Variants in TASP1 observed in about 807,000 individuals in gnomAD.
The protein encoded by TASP1 is threonine aspartase 1.
Under a neutral mutation model 56.6 loss-of-function variants are expected in TASP1, and 16 were observed. The observed-to-expected ratio is 0.28, with a 90% CI of 0.19 to 0.43. TASP1 has a LOEUF of 0.43. Ranked by LOEUF, TASP1 falls within the 20% of genes least tolerant of loss-of-function variation. The probability of loss-of-function intolerance (pLI) is 1.00; values close to 1 mark genes in which losing one functional copy is unlikely to be tolerated. For synonymous variants in TASP1, 179 were observed against 184.2 expected (o/e 0.97, Z 0.23); for missense variants, 393 against 511.6 (o/e 0.77, Z 2.24).
intron 13 of TASP1, among the ~76,000 whole-genome samples, chr20:13,410,398 A>G (rs1297548375): frequency 6.6e-6 from 1 of 152,140 alleles, no homozygotes; most frequent in Non-Finnish European, 1.5e-5. Flanking sequence ...TTTTTGAGAA[A>G]TCTCCATATT....
chr20:13,117,610 C>T, the TASP1 span: 3 of 1,613,060 alleles, frequency 1.9e-6, no homozygotes, highest in Non-Finnish European at 2.5e-6. Flanking sequence ...GCCGTGGGCC[C>T]AACCGGCCGG....
At chr20:13,130,434 C>T in the TASP1 span, among the ~76,000 whole-genome samples, 1 of 152,218 alleles carries the variant, frequency 6.6e-6, no homozygotes, top group Non-Finnish European at 1.5e-5. Flanking sequence ...AGATCTGTTC[C>T]TTGATGAATG....
chr20:13,630,100 A>T lies in TASP1; in HGVS notation c.-22T>A. 7 of 1,608,588 alleles carry T rather than the reference A, an allele frequency of 4.4e-6. No homozygotes were observed. The highest frequency in any genetic ancestry group is 1.1e-5 in the South Asian group (1 of 89,564). The stretch of plus-strand genomic sequence containing the variant: ...TCATTCTCCAAGATTACCATCTTCT[A>T]CTGAGAAAGGGGCATACTTCCATCC... On this transcript the variant is annotated 5_prime_UTR_variant, in exon 2 of 14. The change abolishes the stop of an existing upstream ORF in the 5' untranslated region. Transcript: ENST00000337743.
At chr20:13,403,291 A>G (rs761884073) in intron 13 of TASP1, among the ~76,000 whole-genome samples, 1 of 152,210 alleles carries the variant, frequency 6.6e-6, no homozygotes, top group South Asian at 2.1e-4. Flanking sequence ...TTTCCACCAA[A>G]GGAGCACGGT....
chr20:13,233,054 G>C, the TASP1 span, among the ~76,000 whole-genome samples: 1 of 151,420 alleles, frequency 6.6e-6, no homozygotes, highest in Admixed American at 6.6e-5. Flanking sequence ...GGCCGGAAAA[G>C]TGTCCCAGAA....
the TASP1 span, among the ~76,000 whole-genome samples, chr20:13,271,466 C>T: frequency 5.9e-5 from 9 of 152,160 alleles, no homozygotes; most frequent in Non-Finnish European, 8.8e-5. Context: ...AAATGTTGAT[C>T]GGATTTGACC....
the TASP1 span, among the ~76,000 whole-genome samples, chr20:13,234,188 C>T: frequency 4.6e-5 from 7 of 152,242 alleles, no homozygotes; most frequent in African/African-American, 4.8e-5. Context: ...CATTGTTTAG[C>T]CCCCACTTAT....
chr20:13,456,536 T>C (rs1290320857), intron 11 of TASP1, among the ~76,000 whole-genome samples: 2 of 152,174 alleles, frequency 1.3e-5, no homozygotes, highest in South Asian at 2.1e-4. Context: ...GACACTGTTA[T>C]ATACTCAGGA....
chr20:13,394,736 C>T (rs2041457372), intron 13 of TASP1, among the ~76,000 whole-genome samples: 1 of 152,074 alleles, frequency 6.6e-6, no homozygotes, highest in Admixed American at 6.5e-5. Context: ...CAGCTCCACA[C>T]CAATGGGATC....
At chr20:13,428,371 C>T (rs930648878) in intron 12 of TASP1, among the ~76,000 whole-genome samples, 1 of 151,944 alleles carries the variant, frequency 6.6e-6, no homozygotes, top group Non-Finnish European at 1.5e-5. Context: ...ATTTTTTTCA[C>T]CAGAAGACTT....
chr20:13,273,146 C>G, the TASP1 span, among the ~76,000 whole-genome samples: 3 of 152,128 alleles, frequency 2.0e-5, no homozygotes, highest in East Asian at 5.8e-4. Flanking sequence ...TTGGGATCCC[C>G]TTTCTGTCTT....
At chr20:13,320,750 T>C in the TASP1 span, among the ~76,000 whole-genome samples, 1 of 152,122 alleles carries the variant, frequency 6.6e-6, no homozygotes. Flanking sequence ...AAGATGACTG[T>C]CCAAGCTCTA....
intron 7 of TASP1, among the ~76,000 whole-genome samples, chr20:13,567,388 T>A (rs1171058406): frequency 1.3e-5 from 2 of 152,136 alleles, no homozygotes; most frequent in African/African-American, 4.8e-5. Flanking sequence ...TTTACCTATA[T>A]AACAAACCTG....
the TASP1 span, among the ~76,000 whole-genome samples, chr20:13,206,688 G>A: frequency 6.6e-6 from 1 of 152,044 alleles, no homozygotes; most frequent in African/African-American, 2.4e-5. Context: ...CCAGACAGTA[G>A]ACAAGGGGAG....
chr20:13,495,374 T>C (rs2043683527), intron 10 of TASP1, among the ~76,000 whole-genome samples: 1 of 152,166 alleles, frequency 6.6e-6, no homozygotes, highest in Non-Finnish European at 1.5e-5. Flanking sequence ...AAAAAAGTCT[T>C]AAATCTGCTC....
chr20:13,193,253 T>G, the TASP1 span, among the ~76,000 whole-genome samples: 4 of 152,114 alleles, frequency 2.6e-5, no homozygotes, highest in African/African-American at 4.8e-5. Context: ...ATGTGACTAT[T>G]ATATCAATAA....
At chr20:13,467,059 T>C (rs1230471013) in intron 11 of TASP1, among the ~76,000 whole-genome samples, 3 of 152,078 alleles carry the variant, frequency 2.0e-5, no homozygotes, top group Admixed American at 2.0e-4. Context: ...AGGTTTCAAA[T>C]CATCAGGGAA....
intron 8 of TASP1, among the ~76,000 whole-genome samples, chr20:13,548,094 G>A (rs1166512264): frequency 1.3e-5 from 2 of 152,122 alleles, no homozygotes; most frequent in Admixed American, 6.6e-5. Context: ...GGAGTGAGAT[G>A]GCAAAAGATT....
At chr20:13,217,833 C>T in the TASP1 span, among the ~76,000 whole-genome samples, 1 of 152,224 alleles carries the variant, frequency 6.6e-6, no homozygotes, top group Non-Finnish European at 1.5e-5. Context: ...ATCACAATGT[C>T]TATGAACAAA....
Sources: allele counts gnomAD v4.1 joint callset (sites outside exome capture counted in the v4.1 genomes callset), GRCh38; gene constraint gnomAD v4.1.1; transcripts MANE v1.5; gene names NCBI Gene and HGNC (gene_info 2026-07-23, HGNC 2026-07-21).